PDZD2: variants seen among roughly 807,000 people sequenced by gnomAD.
PDZD2 encodes the protein PDZ domain containing 2.
PDZD2 carries 90 observed loss-of-function variants against 220.7 expected under a neutral mutation model. The observed-to-expected ratio is 0.41, with a 90% CI of 0.34 to 0.49. The LOEUF (loss-of-function observed/expected upper bound fraction) is 0.49, where lower values mean the gene tolerates loss of function less well. Among genes scored for constraint, PDZD2 ranks in the 20% least tolerant of loss-of-function variants. The pLI, the probability that PDZD2 is intolerant of heterozygous loss-of-function variation, is 0.28. For missense variants in PDZD2, 3,174 were observed against 3,608.5 expected (o/e 0.88, Z 3.08); for synonymous variants, 1,375 against 1,450.5 (o/e 0.95, Z 1.18).
intron 2 of PDZD2, among the ~76,000 whole-genome samples, chr5:31,817,757 G>A (rs886189155): frequency 4.0e-5 from 6 of 151,896 alleles, no homozygotes; most frequent in Admixed American, 2.6e-4. Flanking sequence ...TCTGCCTCCC[G>A]GGTTCAAGCA....
intron 1 of PDZD2, among the ~76,000 whole-genome samples, chr5:31,647,763 T>A (rs1228616398): frequency 2.0e-5 from 3 of 152,118 alleles, no homozygotes; most frequent in Admixed American, 2.0e-4. Context: ...CATTTGCAGG[T>A]TTTGGGATGT....
intron 1 of PDZD2, among the ~76,000 whole-genome samples, chr5:31,718,846 G>A (rs112676855): frequency 0.053 from 8,026 of 151,980 alleles, 336 homozygotes; most frequent in South Asian, 0.1. Flanking sequence ...AATTACAGGC[G>A]CATGCCACCA....
intron 2 of PDZD2, among the ~76,000 whole-genome samples, chr5:31,937,771 T>C (rs1745889987): frequency 6.6e-6 from 1 of 152,210 alleles, no homozygotes; most frequent in Admixed American, 6.5e-5. Context: ...TCACCTGTTG[T>C]GTGTGTCCCC....
rs753630216 is a variant in PDZD2 at position 32,058,004 on chromosome 5, G to T, written c.2101G>T (p.Ala701Ser). The change falls in exon 12 of 25, where the codon GCC becomes TCC. Residue 701 changes from alanine to serine, a missense_variant. Physicochemically the swap from Ala to Ser is moderately conservative, Grantham distance 99. This residue lies in a region of PDZD2 where 1,861 missense variants were observed against 2,001.0 expected (regional missense o/e 0.93). Coordinates refer to ENST00000438447, the MANE Select transcript of PDZD2 (RefSeq NM_178140.4). ...ASPNFNTSGG[A>S]SAGGSDEGSS... Reference sequence around the variant, plus strand: ...CCCGAACTTCAATACCAGTGGGGGAGCCTCAGCGGGAGGTTCCGATGAAGG... The same window carrying T: ...CCCGAACTTCAATACCAGTGGGGGATCCTCAGCGGGAGGTTCCGATGAAGG... The T allele has an allele frequency of 1.2e-6, 2 of 1,612,664 alleles. No individual in the cohort carries two copies. The highest frequency in any genetic ancestry group is 2.2e-5 in the South Asian group (2 of 91,036).
intron 2 of PDZD2, among the ~76,000 whole-genome samples, chr5:31,933,047 A>G (rs1025667692): frequency 6.6e-6 from 1 of 151,912 alleles, no homozygotes; most frequent in Admixed American, 6.6e-5. Context: ...AGTAGCTGGG[A>G]TTACAGATGT....
chr5:32,006,319 A>G (rs1414399833), intron 5 of PDZD2, among the ~76,000 whole-genome samples: 2 of 151,046 alleles, frequency 1.3e-5, no homozygotes, highest in African/African-American at 4.9e-5. Context: ...ACTGAGTAGC[A>G]TACTGTAAGA....
intron 8 of PDZD2, among the ~76,000 whole-genome samples, chr5:32,049,198 A>T (rs1244959542): frequency 6.6e-6 from 1 of 152,076 alleles, no homozygotes; most frequent in Non-Finnish European, 1.5e-5. Flanking sequence ...ATGTTACAGA[A>T]CCTGCTCCCG....
At chr5:31,689,830 A>C (rs923988682) in intron 1 of PDZD2, among the ~76,000 whole-genome samples, 1 of 152,156 alleles carries the variant, frequency 6.6e-6, no homozygotes, top group African/African-American at 2.4e-5. Flanking sequence ...TTCAAAAAGA[A>C]GGCAAAAGTA....
In PDZD2 at chr5:31,902,896, A is replaced by G. The variant is rs1335708536; in HGVS notation, c.477-80259A>G. On this transcript the variant is annotated intron_variant, in intron 2 of 24. Coordinates refer to ENST00000438447, the MANE Select transcript of PDZD2 (RefSeq NM_178140.4). ...CAAACAAAAACTTAAAATTTTATTAAGGGCTTTATTTCTTTGCATGTCAAT... is the reference window on the plus strand; with the variant it reads ...CAAACAAAAACTTAAAATTTTATTAGGGGCTTTATTTCTTTGCATGTCAAT... Among the ~76,000 whole-genome samples, 6 of 151,664 alleles carry G rather than the reference A, an allele frequency of 4.0e-5. No individual in the cohort carries two copies. In the South Asian group the frequency reaches 1.3e-3, roughly 32 times the overall value.
At chr5:32,036,270 A>G (rs1305937525) in intron 6 of PDZD2, among the ~76,000 whole-genome samples, 1 of 152,144 alleles carries the variant, frequency 6.6e-6, no homozygotes, top group Non-Finnish European at 1.5e-5. Flanking sequence ...TCTTTACTTG[A>G]TACCTTATAT....
chr5:31,792,151 G>C (rs1360442177), intron 1 of PDZD2, among the ~76,000 whole-genome samples: 3 of 152,208 alleles, frequency 2.0e-5, no homozygotes, highest in African/African-American at 7.2e-5. Flanking sequence ...ATCAGGTAGA[G>C]AGCCACACGC....
intron 1 of PDZD2, among the ~76,000 whole-genome samples, chr5:31,701,928 C>A (rs994994536): frequency 6.6e-6 from 1 of 152,238 alleles, no homozygotes; most frequent in South Asian, 2.1e-4. Context: ...CCTGCTTTCC[C>A]CTCCACCTCA....
In PDZD2 at chr5:32,074,325, G is replaced by C. The variant is rs777294353; in HGVS notation, c.3219G>C (p.Trp1073Cys). The C allele has an allele frequency of 1.2e-6, 2 of 1,614,226 alleles. No individual in the cohort carries two copies. The highest frequency in any genetic ancestry group is 1.7e-5 in the Admixed American group (1 of 60,012). ...CCCCCAAGGGGAGCCCTGGAAGCTGGTGGAAGAAGGAACTGTCAGGATCAA... is the reference window on the plus strand; with the variant it reads ...CCCCCAAGGGGAGCCCTGGAAGCTGCTGGAAGAAGGAACTGTCAGGATCAA... ...AEAPKGSPGS[W>C]WKKELSGSSS... The change falls in exon 18 of 25, where the codon TGG becomes TGC. Residue 1073 changes from tryptophan to cysteine, a missense_variant. By Grantham distance (215) the Trp-to-Cys change is radical. This residue lies in a region of PDZD2 where 1,861 missense variants were observed against 2,001.0 expected (regional missense o/e 0.93). Transcript: ENST00000438447.
chr5:31,881,465 C>T (rs1434885930), intron 2 of PDZD2, among the ~76,000 whole-genome samples: 2 of 150,978 alleles, frequency 1.3e-5, no homozygotes, highest in East Asian at 3.9e-4. Context: ...GCAACCTCTG[C>T]CTCCCAGATT....
At chr5:31,893,791 A>T (rs1741279464) in intron 2 of PDZD2, among the ~76,000 whole-genome samples, 1 of 152,220 alleles carries the variant, frequency 6.6e-6, no homozygotes, top group Non-Finnish European at 1.5e-5. Context: ...GTTACTAAAA[A>T]TTTCAGACTA....
intron 19 of PDZD2, among the ~76,000 whole-genome samples, chr5:32,081,774 T>G (rs1039813458): frequency 7.9e-5 from 12 of 152,210 alleles, no homozygotes; most frequent in Non-Finnish European, 1.8e-4. Context: ...CAGGCTGGAG[T>G]GCAGTGGTGT....
intron 1 of PDZD2, among the ~76,000 whole-genome samples, chr5:31,790,596 G>T (rs1320899618): frequency 1.3e-5 from 2 of 149,302 alleles, no homozygotes; most frequent in Non-Finnish European, 3.0e-5. Context: ...CAGGGCTGGA[G>T]TTTTTTTTAA....
intron 5 of PDZD2, among the ~76,000 whole-genome samples, chr5:32,003,076 C>A (rs1752397299): frequency 7.7e-6 from 1 of 129,724 alleles, no homozygotes; most frequent in African/African-American, 3.0e-5. Context: ...CACACACCCA[C>A]ACACCAACAT....
chr5:31,649,936 T>C lies in PDZD2; in HGVS notation c.-361+10499T>C, dbSNP rs1278708117. On this transcript the variant is annotated intron_variant, in intron 1 of 24. Transcript: ENST00000438447. The stretch of plus-strand genomic sequence containing the variant: ...CTGGGCGACAGAGTGAGACTCCGTC[T>C]CAAAAAAAAAAAAAAAAAAAAAAAA... Among the ~76,000 whole-genome samples, 55 of 7,810 alleles carry C rather than the reference T, an allele frequency of 7.0e-3. 1 individual carries two copies. The highest frequency in any genetic ancestry group is 2.7e-3 in the Non-Finnish European group (7 of 2,594). The allele number at this position is 7,810 out of a possible 152,430, so 5.1% of individuals were successfully genotyped here.
Sources: allele counts gnomAD v4.1 joint callset (sites outside exome capture counted in the v4.1 genomes callset), GRCh38; gene constraint gnomAD v4.1.1; regional missense constraint gnomAD v4.1.1; transcripts MANE v1.5; gene names NCBI Gene and HGNC (gene_info 2026-07-23, HGNC 2026-07-21).